Variants in MGAT4C observed in about 807,000 individuals in gnomAD.
MGAT4C encodes MGAT4 family member C, also known as alpha-1,3-mannosyl-glycoprotein 4-beta-N-acetylglucosaminyltransferase C.
Under a neutral mutation model 40.1 loss-of-function variants are expected in MGAT4C, and 19 were observed. The ratio of observed to expected loss-of-function variants is 0.47; its 90% CI spans 0.33 to 0.70. The LOEUF (loss-of-function observed/expected upper bound fraction) is 0.70. MGAT4C is among the 30% of genes least tolerant of loss of function. MGAT4C has a pLI of 0.02. For missense variants in MGAT4C, 491 were observed against 563.2 expected (o/e 0.87, Z 1.30); for synonymous variants, 181 against 187.1 (o/e 0.97, Z 0.27).
intron 2 of MGAT4C, among the ~76,000 whole-genome samples, chr12:86,015,383 T>A (rs1888985936): frequency 6.6e-6 from 1 of 152,104 alleles, no homozygotes. Context: ...GTCATGCCAA[T>A]CAGCTGGGCT....
chr12:86,317,618 G>C (rs1438876197), intron 4 of MGAT4C, among the ~76,000 whole-genome samples: 1 of 151,980 alleles, frequency 6.6e-6, no homozygotes, highest in Non-Finnish European at 1.5e-5. Context: ...ATTTTATGTA[G>C]ATAACAAAGC....
intron 1 of MGAT4C, among the ~76,000 whole-genome samples, chr12:86,077,890 C>T (rs1028816361): frequency 2.0e-5 from 3 of 152,166 alleles, no homozygotes; most frequent in Non-Finnish European, 4.4e-5. Flanking sequence ...CTGTATCTTT[C>T]ATCTTAGCCT....
At chr12:86,788,822 A>G (rs1565991403) in intron 1 of MGAT4C, among the ~76,000 whole-genome samples, 1 of 152,164 alleles carries the variant, frequency 6.6e-6, no homozygotes, top group Non-Finnish European at 1.5e-5. Flanking sequence ...CTATCTTTTG[A>G]AGGAAATCTT....
chr12:86,462,759 A>G (rs1957620622), intron 2 of MGAT4C, among the ~76,000 whole-genome samples: 1 of 152,180 alleles, frequency 6.6e-6, no homozygotes, highest in Admixed American at 6.5e-5. Context: ...TTTGAGTGCA[A>G]GAAGCAGCCA....
intron 2 of MGAT4C, among the ~76,000 whole-genome samples, chr12:86,696,624 C>T (rs1485668416): frequency 1.3e-5 from 2 of 152,134 alleles, no homozygotes; most frequent in Non-Finnish European, 1.5e-5. Context: ...GAAAGGAATG[C>T]AACAGGTTAT....
intron 1 of MGAT4C, among the ~76,000 whole-genome samples, chr12:86,242,627 A>C (rs1411741879): frequency 6.6e-6 from 1 of 152,104 alleles, no homozygotes; most frequent in Non-Finnish European, 1.5e-5. Flanking sequence ...TTGTCCGGGG[A>C]AGTACTTTAG....
intron 1 of MGAT4C, among the ~76,000 whole-genome samples, chr12:86,245,428 C>T (rs912744193): frequency 1.3e-5 from 2 of 152,170 alleles, no homozygotes; most frequent in Admixed American, 1.3e-4. Flanking sequence ...CCATGTTCTG[C>T]CTCCTTTTTT....
At chr12:86,129,995 A>G (rs894988837) in intron 1 of MGAT4C, among the ~76,000 whole-genome samples, 4 of 152,246 alleles carry the variant, frequency 2.6e-5, no homozygotes, top group Non-Finnish European at 4.4e-5. Flanking sequence ...GATAGAGAGC[A>G]TTAACTCTGA....
intron 1 of MGAT4C, among the ~76,000 whole-genome samples, chr12:86,112,745 T>C (rs1015579622): frequency 4.0e-5 from 6 of 151,760 alleles, no homozygotes; most frequent in Non-Finnish European, 8.8e-5. Context: ...ATGTGTCCTC[T>C]GAAATAGTTA....
intron 2 of MGAT4C, among the ~76,000 whole-genome samples, chr12:86,588,600 A>AT (rs769715843): frequency 2.0e-5 from 3 of 151,914 alleles, no homozygotes; most frequent in East Asian, 1.9e-4. Context: ...CAGAATATAG[A>AT]TTTTTTCAGC....
At chr12:86,817,443 C>T (rs971300754) in intron 1 of MGAT4C, among the ~76,000 whole-genome samples, 4 of 151,422 alleles carry the variant, frequency 2.6e-5, no homozygotes, top group African/African-American at 4.8e-5. Context: ...GAATGTTCCA[C>T]GTGTATTCTT....
chr12:86,155,654 C>A (rs1884844239), intron 1 of MGAT4C, among the ~76,000 whole-genome samples: 1 of 152,078 alleles, frequency 6.6e-6, no homozygotes. Flanking sequence ...CAACAGATGA[C>A]ACTGCTAGAT....
At chr12:86,012,052 G>GTTGA (rs1179338291) in intron 2 of MGAT4C, 1 of 169,476 alleles carries the variant, frequency 5.9e-6, no homozygotes, top group African/African-American at 2.4e-5. Context: ...AAGGTCATGA[G>GTTGA]TTGATTGTTA....
rs761312793 is a variant in MGAT4C at position 86,110,294 on chromosome 12, GTC to G, written c.-56-60573_-56-60572del. Reference sequence around the variant, plus strand: ...TATATATATAGTCTATATATATATAGTCTCTCTATATATATATATATATAGTC... The same window carrying G: ...TATATATATAGTCTATATATATATAGTCTCTATATATATATATATATAGTC... On this transcript the variant is annotated intron_variant, in intron 1 of 4. Coordinates refer to ENST00000611864, the MANE Select transcript of MGAT4C (RefSeq NM_001351288.2). Among the ~76,000 whole-genome samples, 46 of 6,190 alleles carry G rather than the reference GTC, an allele frequency of 7.4e-3. 1 individual carries two copies. The highest frequency in any genetic ancestry group is 0.01 in the Non-Finnish European group (25 of 2,470). The allele number at this position is 6,190 out of a possible 152,430, so 4.1% of individuals were successfully genotyped here.
intron 4 of MGAT4C, 23 bp from the exon 5 acceptor site, chr12:85,980,453 A>C: frequency 6.5e-7 from 1 of 1,540,628 alleles, no homozygotes; most frequent in Non-Finnish European, 8.7e-7. Flanking sequence ...ATTCAGAAGC[A>C]ATACAAATGT....
At chr12:86,537,219 T>C (rs1305591752) in intron 2 of MGAT4C, among the ~76,000 whole-genome samples, 2 of 147,070 alleles carry the variant, frequency 1.4e-5, no homozygotes, top group Non-Finnish European at 3.0e-5. Flanking sequence ...CAGGGCCTGT[T>C]GTGGGGTGTG....
intron 2 of MGAT4C, among the ~76,000 whole-genome samples, chr12:86,516,952 C>T (rs1389083653): frequency 6.6e-6 from 1 of 152,106 alleles, no homozygotes; most frequent in East Asian, 1.9e-4. Context: ...AAAAGAGCAG[C>T]ATCATTAGTC....
chr12:86,051,063 AG>A (rs1353286284), intron 1 of MGAT4C, among the ~76,000 whole-genome samples: 30 of 151,984 alleles, frequency 2.0e-4, no homozygotes, highest in Non-Finnish European at 4.0e-4. Context: ...GGTCACAGCA[AG>A]GTGTTTGGTT....
At chr12:86,717,812 A>AT (rs988476964) in intron 2 of MGAT4C, among the ~76,000 whole-genome samples, 2 of 152,108 alleles carry the variant, frequency 1.3e-5, no homozygotes, top group African/African-American at 4.8e-5. Flanking sequence ...TATTTTGATG[A>AT]TTTTGCAGTG....
Sources: allele counts gnomAD v4.1 joint callset (sites outside exome capture counted in the v4.1 genomes callset), GRCh38; gene constraint gnomAD v4.1.1; transcripts MANE v1.5; gene names NCBI Gene and HGNC (gene_info 2026-07-23, HGNC 2026-07-21).